The following UBA6 variants were observed in gnomAD, a reference collection of about 807,000 sequenced individuals.
UBA6 encodes ubiquitin like modifier activating enzyme 6.
Under a neutral mutation model 148.3 loss-of-function variants are expected in UBA6, and 87 were observed. The ratio of observed to expected loss-of-function variants is 0.59; its 90% CI spans 0.49 to 0.70. UBA6 has a LOEUF of 0.70. Among genes scored for constraint, UBA6 ranks in the 30% least tolerant of loss-of-function variants. The pLI is 0.00. For missense variants in UBA6, 1,186 were observed against 1,241.2 expected, an observed-to-expected ratio of 0.96 and a Z score of 0.67; for synonymous variants, 376 against 401.0, an observed-to-expected ratio of 0.94 and a Z score of 0.75.
intron 2 of UBA6, among the ~76,000 whole-genome samples, chr4:67,688,308 G>A (rs1730617826): frequency 6.6e-6 from 1 of 152,078 alleles, no homozygotes; most frequent in African/African-American, 2.4e-5. Context: ...CCTAAATTGG[G>A]ACTCATTCAT....
intron 28 of UBA6, among the ~76,000 whole-genome samples, chr4:67,625,570 C>T (rs540232002): frequency 5.9e-5 from 9 of 151,954 alleles, no homozygotes; most frequent in Admixed American, 5.2e-4. Flanking sequence ...TCCATAAATC[C>T]GACTCTGAAA....
chr4:67,657,901 TC>T, intron 13 of UBA6, among the ~76,000 whole-genome samples: 1 of 151,526 alleles, frequency 6.6e-6, no homozygotes, highest in African/African-American at 2.4e-5. Flanking sequence ...AATAGACACT[TC>T]TCAAAAGAAG....
chr4:67,645,903 T>A (rs1297806390), intron 16 of UBA6, 35 bp downstream of exon 16: 2 of 1,346,232 alleles, frequency 1.5e-6, no homozygotes, highest in African/African-American at 2.9e-5. Context: ...CGATAGCAGT[T>A]TGAACATACT....
At chr4:67,674,314 T>C (rs191923262) in intron 6 of UBA6, among the ~76,000 whole-genome samples, 72 of 152,306 alleles carry the variant, frequency 4.7e-4, no homozygotes, top group African/African-American at 1.7e-3. Context: ...ATGCCATGAA[T>C]GCAAGGCCCT....
intron 13 of UBA6, among the ~76,000 whole-genome samples, chr4:67,654,143 C>A (rs1312118758): frequency 1.3e-5 from 2 of 152,108 alleles, no homozygotes; most frequent in African/African-American, 4.8e-5. Context: ...ACTTCTCCAA[C>A]CTAGCAAGGC....
At chr4:67,690,822 G>A (rs1344983613) in intron 2 of UBA6, among the ~76,000 whole-genome samples, 2 of 152,100 alleles carry the variant, frequency 1.3e-5, no homozygotes, top group Non-Finnish European at 2.9e-5. Context: ...ACAATGTGGA[G>A]AAATTGGAAC....
chr4:67,687,602 T>G (rs532335688), intron 2 of UBA6, among the ~76,000 whole-genome samples: 4 of 152,320 alleles, frequency 2.6e-5, no homozygotes, highest in African/African-American at 9.6e-5. Flanking sequence ...AGGAAAAATC[T>G]GAAGAGAGAC....
intron 23 of UBA6, among the ~76,000 whole-genome samples, chr4:67,632,398 G>C (rs1729019514): frequency 6.6e-6 from 1 of 152,100 alleles, no homozygotes; most frequent in Non-Finnish European, 1.5e-5. Context: ...ATTGATAACT[G>C]CTAACCCTGG....
chr4:67,689,551 T>G (rs1730647610), intron 2 of UBA6, among the ~76,000 whole-genome samples: 1 of 152,114 alleles, frequency 6.6e-6, no homozygotes. Flanking sequence ...CTAACTTTTT[T>G]GGCTGTCAGA....
At chr4:67,643,967 T>C (rs1729363847) in intron 17 of UBA6, among the ~76,000 whole-genome samples, 5 of 151,566 alleles carry the variant, frequency 3.3e-5, no homozygotes, top group South Asian at 2.1e-4. Flanking sequence ...AATATAAACA[T>C]AGAACATCTG....
At position 67,701,126 on chromosome 4, in the gene UBA6, C is replaced by T. The variant is rs1398754575; in HGVS notation, c.-7G>A. 15 of 1,612,532 alleles carry T rather than the reference C, an allele frequency of 9.3e-6. No individual in the cohort carries two copies. The highest frequency in any genetic ancestry group is 1.3e-5 in the Non-Finnish European group (15 of 1,179,782). ...CAGGCTCGGATCCTTCCATTGCCGC[C>T]TGAGACACCGCCGCCGGCTACTGGA... is the stretch of plus-strand genomic sequence containing the variant. On this transcript the variant is annotated 5_prime_UTR_variant, in exon 1 of 33. Coordinates refer to ENST00000322244, the MANE Select transcript of UBA6 (RefSeq NM_018227.6).
chr4:67,698,640 T>C (rs532568498), intron 1 of UBA6, among the ~76,000 whole-genome samples: 31 of 152,222 alleles, frequency 2.0e-4, no homozygotes, highest in Non-Finnish European at 4.0e-4. Context: ...TTTCTGATAT[T>C]AGACATAAAG....
chr4:67,682,197 G>A lies in UBA6; in HGVS notation c.151C>T (p.Leu51Phe). 1 of 1,613,504 alleles carries A rather than the reference G, an allele frequency of 6.2e-7. No homozygotes were observed. ...ATCTTCTGCATTGCTGTGTCTCCAA[G>A]AACGTACCTCTGTCGACTACACGGA... ...DALYSRQRYV[L>F]GDTAMQKMAK... The change falls in exon 3 of 33, where the codon CTT becomes TTT. Residue 51 changes from leucine to phenylalanine, a missense_variant. Physicochemically the swap from Leu to Phe is conservative, Grantham distance 22 (BLOSUM62 0). Transcript: ENST00000322244.
At chr4:67,654,342 G>A (rs181592154) in intron 13 of UBA6, among the ~76,000 whole-genome samples, 2 of 152,294 alleles carry the variant, frequency 1.3e-5, no homozygotes, top group East Asian at 1.9e-4. Context: ...GGATCTCTTG[G>A]CAGAAACCCT....
intron 13 of UBA6, among the ~76,000 whole-genome samples, chr4:67,658,171 C>T (rs1265991724): frequency 6.6e-6 from 1 of 152,140 alleles, no homozygotes; most frequent in African/African-American, 2.4e-5. Flanking sequence ...TACCATTTGA[C>T]CCAGGAATGC....
At chr4:67,684,640 C>A (rs775026173) in intron 2 of UBA6, among the ~76,000 whole-genome samples, 62 of 130,580 alleles carry the variant, frequency 4.7e-4, no homozygotes, top group Non-Finnish European at 7.4e-4. Context: ...GTTAAAGACA[C>A]AAGATATGCA....
chr4:67,630,088 C>A (rs1479723516), intron 26 of UBA6, among the ~76,000 whole-genome samples: 1 of 152,004 alleles, frequency 6.6e-6, no homozygotes, highest in Non-Finnish European at 1.5e-5. Context: ...AAATAACAAA[C>A]AAATGTTAAC....
chr4:67,690,642 T>C (rs1209751673), intron 2 of UBA6, among the ~76,000 whole-genome samples: 6 of 152,106 alleles, frequency 3.9e-5, no homozygotes, highest in Non-Finnish European at 1.5e-5. Flanking sequence ...AGAGTTTGAA[T>C]AGATCTTTCT....
chr4:67,687,557 T>C (rs1730602080), intron 2 of UBA6, among the ~76,000 whole-genome samples: 1 of 152,152 alleles, frequency 6.6e-6, no homozygotes, highest in Admixed American at 6.5e-5. Flanking sequence ...AGTATGTAGT[T>C]GTATGCAGTT....
Sources: allele counts gnomAD v4.1 joint callset (sites outside exome capture counted in the v4.1 genomes callset), GRCh38; gene constraint gnomAD v4.1.1; transcripts MANE v1.5; gene names NCBI Gene and HGNC (gene_info 2026-07-23, HGNC 2026-07-21).